The following AOX1 variants were observed in gnomAD, a reference collection of about 807,000 sequenced individuals.
AOX1 encodes the protein aldehyde oxidase 1.
A neutral mutation model predicts 169.5 loss-of-function variants in AOX1; 153 were observed. The ratio of observed to expected loss-of-function variants is 0.90; its 90% CI spans 0.79 to 1.03. AOX1 has a LOEUF of 1.03. Ranked by LOEUF, AOX1 falls within the 50% of genes least tolerant of loss-of-function variation. The pLI, the probability that AOX1 is intolerant of heterozygous loss-of-function variation, is 0.00. For synonymous variants in AOX1, 562 were observed against 581.9 expected (o/e 0.97, Z 0.49); for missense variants, 1,656 against 1,663.9 (o/e 1.00, Z 0.08).
At chr2:200,637,317 T>C (rs948855191) in intron 22 of AOX1, among the ~76,000 whole-genome samples, 1 of 152,212 alleles carries the variant, frequency 6.6e-6, no homozygotes, top group Non-Finnish European at 1.5e-5. Context: ...GGGAGTTACT[T>C]GTCCTCAGCA....
rs1410795009 is a variant in AOX1 at position 200,609,323 on chromosome 2, T to G, written c.1062T>G (p.Ser354=). The change falls in exon 12 of 35, where the codon TCT becomes TCG. Residue 354 remains serine, a splice_region_variant and synonymous_variant. Transcript: ENST00000374700. ...AAATAACTCATTATTTTTAAAAGTC[T>G]TTAGGGGGACACATCATTAGCAGGC... ...LAGSQIRNMA[S]LGGHIISRHP... is the part of the protein sequence containing the mutation. 1.9e-6 allele frequency: 3 copies of G among 1,613,772 alleles called. No homozygotes were observed. The highest frequency in any genetic ancestry group is 2.5e-6 in the Non-Finnish European group (3 of 1,179,726).
downstream of AOX1, among the ~76,000 whole-genome samples, chr2:200,672,695 G>A (rs1216341621): frequency 6.6e-6 from 1 of 152,218 alleles, no homozygotes; most frequent in Non-Finnish European, 1.5e-5. Flanking sequence ...TGATGCTTGA[G>A]TGCTAAGGGA....
chr2:200,628,925 TCAAA>T lies in AOX1; in HGVS notation c.2221+1501_2221+1504del, dbSNP rs201174501. Among the ~76,000 whole-genome samples, 744 of 151,990 alleles carry T rather than the reference TCAAA, an allele frequency of 4.9e-3. 2 individuals carry two copies. The highest frequency in any genetic ancestry group is 7.1e-3 in the Non-Finnish European group (483 of 67,980). ...CTGGGTGACAGAAGGAGACTCCATC[TCAAA>T]CAAACAAACAAACAAACAAACAAAA... is the stretch of plus-strand genomic sequence containing the variant. On this transcript the variant is annotated intron_variant, in intron 20 of 34. Transcript: ENST00000374700.
At chr2:200,633,698 G>A (rs1434231836) in intron 20 of AOX1, among the ~76,000 whole-genome samples, 1 of 151,926 alleles carries the variant, frequency 6.6e-6, no homozygotes, top group Non-Finnish European at 1.5e-5. Context: ...TCTCAGTGTT[G>A]GCATCTGTTG....
intron 18 of AOX1, 87 bp from the exon 19 acceptor site, chr2:200,623,774 C>G: frequency 6.3e-7 from 1 of 1,578,630 alleles, no homozygotes; most frequent in Non-Finnish European, 8.7e-7. Flanking sequence ...CTACTGTAAT[C>G]GAGTACTAGG....
chr2:200,600,042 T>A (rs1435032964), intron 5 of AOX1, among the ~76,000 whole-genome samples: 2 of 152,278 alleles, frequency 1.3e-5, no homozygotes, highest in East Asian at 1.9e-4. Flanking sequence ...TCACAAAAAA[T>A]TTATAAGATA....
At chr2:200,669,352 G>A (rs2035983520) in intron 33 of AOX1, among the ~76,000 whole-genome samples, 2 of 152,050 alleles carry the variant, frequency 1.3e-5, no homozygotes, top group Non-Finnish European at 2.9e-5. Flanking sequence ...GCTGAGGCAG[G>A]AGAATGGCTC....
At position 200,623,726 on chromosome 2, in the gene AOX1, T is replaced by C. The variant is rs1446100811; in HGVS notation, c.2002-135T>C. On this transcript the variant is annotated intron_variant, in intron 18 of 34. Transcript: ENST00000374700. ...AGCTGTGGTTATAGTCATGGACAGA[T>C]GTGGAGGGGTCACACCTGTGTGTAT... 1.1e-5 allele frequency: 15 copies of C among 1,344,108 alleles called. No individual in the cohort carries two copies. The Admixed American group carries it at 2.8e-4, about 25-fold the overall frequency. The allele number at this position is 1,344,108 out of a possible 1,614,324, so 83.3% of individuals were successfully genotyped here. A position where few individuals can be genotyped will look rare whatever the true frequency, so the allele number is the denominator to read the frequency against.
Position 200,614,019 on chromosome 2 carries a change from C to A in AOX1, c.1611+53C>A, listed in dbSNP as rs1012417848. Reference sequence around the variant, plus strand: ...CCCAGTACTGGGAGCTATGATGACACCAAAAGTAGAGGCAATGACTCCCTA... The same window carrying A: ...CCCAGTACTGGGAGCTATGATGACAACAAAAGTAGAGGCAATGACTCCCTA... On this transcript the variant is annotated intron_variant, in intron 15 of 34. Transcript: ENST00000374700. The A allele has an allele frequency of 3.3e-6, 5 of 1,536,776 alleles. No individual in the cohort carries two copies. The African/African-American group carries it at 4.1e-5, about 13-fold the overall frequency.
chr2:200,659,411 C>T, intron 28 of AOX1, 118 bp downstream of exon 28: 1 of 1,185,242 alleles, frequency 8.4e-7, no homozygotes. Context: ...CCCCATCTTG[C>T]CCTCAGTCAG....
chr2:200,616,196 T>C (rs545911334), intron 16 of AOX1, 133 bp downstream of exon 16: 1 of 635,234 alleles, frequency 1.6e-6, no homozygotes, highest in Non-Finnish European at 2.8e-6. Flanking sequence ...TCACAGCCTC[T>C]TTATGGGTAA....
In AOX1 at chr2:200,608,876, G is replaced by T. The variant is rs184133803; in HGVS notation, c.908-108G>T. On this transcript the variant is annotated intron_variant, in intron 10 of 34. Coordinates refer to ENST00000374700, the MANE Select transcript of AOX1 (RefSeq NM_001159.4). ...CATCACCACCATCACCAATAAGCAG[G>T]GCAGCATGTATCCAGTATAAAGATT... The T allele has an allele frequency of 8.5e-4, 807 of 947,156 alleles. 4 individuals are homozygous for T. Among genetic ancestry groups the T allele is most frequent in the Non-Finnish European group, 8.6e-5 (54 of 629,752 alleles). 58.7% of individuals were successfully genotyped at this position (947,156 alleles called of 1,614,324 possible). A position where few individuals can be genotyped will look rare whatever the true frequency, so the allele number is the denominator to read the frequency against.
chr2:200,589,321 G>C (rs1360327779), intron 1 of AOX1, among the ~76,000 whole-genome samples: 1 of 152,110 alleles, frequency 6.6e-6, no homozygotes, highest in African/African-American at 2.4e-5. Context: ...TTTAAGGGAG[G>C]AAGAGCCCAT....
At chr2:200,604,621 A>G (rs1461249193) in intron 8 of AOX1, 75 bp from the exon 9 acceptor site, 9 of 1,449,952 alleles carry the variant, frequency 6.2e-6, no homozygotes, top group Non-Finnish European at 8.7e-6. Flanking sequence ...CTGTATCTAC[A>G]GTGCTAATGA....
intron 26 of AOX1, among the ~76,000 whole-genome samples, chr2:200,655,093 A>G (rs1316138011): frequency 6.6e-6 from 1 of 152,232 alleles, no homozygotes; most frequent in Admixed American, 6.5e-5. Context: ...TTTGCGAGCC[A>G]AGGAGGCCAA....
intron 3 of AOX1, among the ~76,000 whole-genome samples, chr2:200,595,678 C>T (rs1463495564): frequency 6.6e-6 from 1 of 151,890 alleles, no homozygotes; most frequent in Non-Finnish European, 1.5e-5. Flanking sequence ...GGCAACACAG[C>T]AAGACCTTGT....
At chr2:200,647,637 G>A (rs1322153388) in intron 25 of AOX1, among the ~76,000 whole-genome samples, 2 of 152,170 alleles carry the variant, frequency 1.3e-5, no homozygotes, top group African/African-American at 4.8e-5. Context: ...TAGGTCTCTA[G>A]CAAGGCTGGG....
chr2:200,677,450 C>G (rs2036116856), downstream of AOX1, among the ~76,000 whole-genome samples: 1 of 152,192 alleles, frequency 6.6e-6, no homozygotes, highest in African/African-American at 2.4e-5. Context: ...CCTCCCACAG[C>G]TCTGCCTCCT....
chr2:200,613,862 C>T lies in AOX1; in HGVS notation c.1507C>T (p.Leu503Phe). The change falls in exon 15 of 35, where the codon CTT becomes TTT. Residue 503 changes from leucine to phenylalanine, a missense_variant. Transcript: ENST00000374700. The part of the protein sequence containing the change: ...ACRLILNEVS[L>F]LGSAPGGKVE... ...CAGGCTTATTCTGAATGAAGTCTCCCTTTTGGGCTCGGCGCCAGGTGGGAA... is the reference window on the plus strand; with the variant it reads ...CAGGCTTATTCTGAATGAAGTCTCCTTTTTGGGCTCGGCGCCAGGTGGGAA... 1 of 1,612,700 alleles carries T rather than the reference C, an allele frequency of 6.2e-7. No individual in the cohort carries two copies. Among genetic ancestry groups the T allele is most frequent in the South Asian group, 1.1e-5 (1 of 91,008 alleles).
Sources: gnomAD v4.1 joint callset for allele counts (sites outside exome capture counted in the v4.1 genomes callset) on GRCh38, gnomAD v4.1.1 for gene constraint, MANE v1.5 for transcripts, NCBI Gene and HGNC (gene_info 2026-07-23, HGNC 2026-07-21) for gene names.